LMF1: variants seen among roughly 807,000 people sequenced by gnomAD.
The protein encoded by LMF1 is lipase maturation factor 1.
Under a neutral mutation model 60.6 loss-of-function variants are expected in LMF1, and 68 were observed. The observed-to-expected ratio is 1.12, with a 90% CI of 0.92 to 1.37. The LOEUF is 1.37. LMF1 is among the 40% of genes most tolerant of loss of function. LMF1 has a pLI of 0.00. For missense variants in LMF1, 948 were observed against 767.2 expected (o/e 1.24, Z -2.78); for synonymous variants, 418 against 324.7 (o/e 1.29, Z -3.09).
At chr16:881,293 G>C (rs1056034268) in intron 5 of LMF1, 1 of 152,284 alleles carries the variant, frequency 6.6e-6, no homozygotes. Context: ...AGAGGGCAAA[G>C]AGTTATTTTT....
At chr16:855,575 A>C (rs1244514727) in intron 10 of LMF1, 2 of 380,188 alleles carry the variant, frequency 5.3e-6, no homozygotes, top group Non-Finnish European at 5.2e-6. Context: ...TGTCACCGTC[A>C]CAAGCTCCCG....
chr16:934,436 C>A, intron 2 of LMF1, 182 bp from the exon 3 acceptor site: 1 of 673,692 alleles, frequency 1.5e-6, no homozygotes, highest in Non-Finnish European at 2.6e-6. Flanking sequence ...ACGGCTCACA[C>A]ACAGGCAGGC....
intron 1 of LMF1, among the ~76,000 whole-genome samples, chr16:967,514 C>A (rs569913734): frequency 6.6e-6 from 1 of 152,304 alleles, no homozygotes; most frequent in Non-Finnish European, 1.5e-5. Flanking sequence ...GCCGGCACTG[C>A]CCCTACACAC....
At chr16:977,353 C>A (rs1359111232) in intron 1 of LMF1, among the ~76,000 whole-genome samples, 1 of 152,162 alleles carries the variant, frequency 6.6e-6, no homozygotes, top group East Asian at 1.9e-4. Context: ...TGAGAGGGGT[C>A]CTGCGAACCC....
chr16:955,320 TGC>T, intron 1 of LMF1, among the ~76,000 whole-genome samples: 1 of 150,416 alleles, frequency 6.6e-6, no homozygotes, highest in East Asian at 2.0e-4. Context: ...ACGCGGTGTG[TGC>T]ATACACACAC....
At chr16:949,524 C>CCAACGACAGAGTCAGT (rs1343362182) in intron 2 of LMF1, among the ~76,000 whole-genome samples, 1 of 137,684 alleles carries the variant, frequency 7.3e-6, no homozygotes. Flanking sequence ...ACAGAGTCAG[C>CCAACGACAGAGTCAGT]CAACGACAGA....
intron 10 of LMF1, among the ~76,000 whole-genome samples, chr16:858,325 T>C (rs150490698): frequency 0.023 from 556 of 24,498 alleles, 10 homozygotes; most frequent in Middle Eastern, 0.053. Context: ...TGTCTCGGGA[T>C]GGGTGTGAGT....
chr16:858,496 C>A (rs1348315053), intron 10 of LMF1, among the ~76,000 whole-genome samples: 10 of 19,932 alleles, frequency 5.0e-4, no homozygotes, highest in African/African-American at 7.4e-4. Flanking sequence ...GACGGGTGTG[C>A]GTGGTGTCTC....
intron 10 of LMF1, among the ~76,000 whole-genome samples, chr16:859,258 C>T (rs2069342431): frequency 1.0e-5 from 1 of 99,358 alleles, no homozygotes; most frequent in African/African-American, 5.6e-5. Flanking sequence ...AGTGGTGTCA[C>T]GGGACGGGTG....
intron 6 of LMF1, chr16:871,578 C>CT: frequency 1.8e-6 from 1 of 563,544 alleles, no homozygotes; most frequent in Non-Finnish European, 3.2e-6. Context: ...CATGACTGCA[C>CT]ATTTCTGTGC....
chr16:920,173 C>T, intron 3 of LMF1, among the ~76,000 whole-genome samples: 1 of 151,822 alleles, frequency 6.6e-6, no homozygotes, highest in East Asian at 1.9e-4. Context: ...AGTCCGTCGT[C>T]CCCCAACATG....
At chr16:899,035 ACCCC>A (rs958656034) in intron 4 of LMF1, 2 of 152,098 alleles carry the variant, frequency 1.3e-5, no homozygotes, top group African/African-American at 2.4e-5. Flanking sequence ...TTTATTTTGC[ACCCC>A]CACAACCCAG....
intron 1 of LMF1, among the ~76,000 whole-genome samples, chr16:966,201 C>T (rs571829665): frequency 7.9e-5 from 12 of 152,276 alleles, no homozygotes; most frequent in Admixed American, 2.0e-4. Flanking sequence ...GGGGACACAG[C>T]GGGAGCAGTT....
At chr16:893,966 TC>T (rs1369622473) in intron 4 of LMF1, among the ~76,000 whole-genome samples, 1 of 151,708 alleles carries the variant, frequency 6.6e-6, no homozygotes, top group Non-Finnish European at 1.5e-5. Flanking sequence ...CCCGGCCAAA[TC>T]CCCTGGGCTC....
chr16:975,983 G>A (rs2382948), upstream of LMF1: 157 of 289,938 alleles, frequency 5.4e-4, 1 homozygote, highest in South Asian at 2.1e-3. Context: ...CCGGGCAAGG[G>A]GCCTCATGAA....
In LMF1 at chr16:854,636, A is replaced by T; in HGVS notation, c.1600T>A (p.Trp534Arg). ...GCTCCGATCCTCTTCCGCACCCACC[A>T]CTTGCCCTCGGCGGCGTGCCTGCCC... The part of the protein sequence containing the change: ...PGGRHAAEGK[W>R]WVRKRIGAYF... Residue 534 changes from tryptophan (W) to arginine (R), a missense_variant, in exon 11 of 11, where the codon TGG becomes AGG. Trp to Arg is a moderately radical substitution (Grantham distance 101). Coordinates refer to ENST00000262301, the MANE Select transcript of LMF1 (RefSeq NM_022773.4). 6.2e-7 allele frequency: 1 copy of T among 1,607,020 alleles called. No individual in the cohort carries two copies. Among genetic ancestry groups the T allele is most frequent in the Non-Finnish European group, 8.5e-7 (1 of 1,178,422 alleles).
intron 3 of LMF1, chr16:932,975 G>C (rs2071836127): frequency 1.3e-5 from 2 of 152,230 alleles, no homozygotes; most frequent in Admixed American, 1.3e-4. Context: ...ACACGCGTGA[G>C]CACTCTGCTC....
chr16:877,070 A>G (rs115493594), intron 6 of LMF1, among the ~76,000 whole-genome samples: 2 of 152,046 alleles, frequency 1.3e-5, no homozygotes, highest in South Asian at 4.1e-4. Flanking sequence ...CCGGGCGCAC[A>G]CCTGCAGTCA....
upstream of LMF1, among the ~76,000 whole-genome samples, chr16:974,903 C>A (rs879436076): frequency 1.3e-5 from 2 of 152,226 alleles, no homozygotes; most frequent in Non-Finnish European, 2.9e-5. Context: ...TTTTCATGTC[C>A]TGAAGTCTGG....
Sources: allele counts gnomAD v4.1 joint callset (sites outside exome capture counted in the v4.1 genomes callset), GRCh38; gene constraint gnomAD v4.1.1; transcripts MANE v1.5; gene names NCBI Gene and HGNC (gene_info 2026-07-23, HGNC 2026-07-21).